CDK17: variants seen among roughly 807,000 people sequenced by gnomAD.
CDK17 encodes cyclin-dependent kinase 17.
Under a neutral mutation model 77.6 loss-of-function variants are expected in CDK17, and 24 were observed. The observed-to-expected ratio is 0.31, with a 90% CI of 0.22 to 0.44. The LOEUF (loss-of-function observed/expected upper bound fraction) is 0.44, where lower values mean the gene tolerates loss of function less well. Among genes scored for constraint, CDK17 ranks in the 20% least tolerant of loss-of-function variants. CDK17 has a pLI of 1.00. For missense variants in CDK17, 429 were observed against 622.5 expected (o/e 0.69, Z 3.31); for synonymous variants, 203 against 210.4 (o/e 0.96, Z 0.30).
intron 1 of CDK17, among the ~76,000 whole-genome samples, chr12:96,351,192 T>C (rs578027088): frequency 1.3e-5 from 2 of 152,206 alleles, no homozygotes; most frequent in East Asian, 1.9e-4. Flanking sequence ...TCAGTGAGGA[T>C]GTGGACAAAC....
intron 1 of CDK17, among the ~76,000 whole-genome samples, chr12:96,352,533 A>T (rs1953327582): frequency 6.6e-6 from 1 of 152,204 alleles, no homozygotes; most frequent in Admixed American, 6.5e-5. Flanking sequence ...TGAATCTCAC[A>T]GGTACTCAGA....
intron 1 of CDK17, among the ~76,000 whole-genome samples, chr12:96,396,639 C>T (rs188036731): frequency 6.0e-4 from 92 of 152,208 alleles, no homozygotes; most frequent in African/African-American, 2.2e-3. Context: ...TTCAAAAGAA[C>T]CTAAAACTAT....
chr12:96,286,806 T>C (rs1475669485), intron 11 of CDK17, 45 bp from the exon 12 acceptor site: 19 of 1,469,136 alleles, frequency 1.3e-5, no homozygotes, highest in Non-Finnish European at 1.7e-5. Flanking sequence ...CATTTACATA[T>C]TATGAAGCAC....
At chr12:96,294,917 G>A in intron 10 of CDK17, 82 bp downstream of exon 10, 5 of 1,161,534 alleles carry the variant, frequency 4.3e-6, no homozygotes, top group South Asian at 1.9e-5. Context: ...AAAAGCAATG[G>A]CACATTATGA....
chr12:96,350,098 A>C (rs1482612437), intron 1 of CDK17, among the ~76,000 whole-genome samples: 5 of 152,210 alleles, frequency 3.3e-5, no homozygotes, highest in African/African-American at 9.6e-5. Flanking sequence ...AAAATTACAA[A>C]ATATTGTTGA....
At chr12:96,364,203 A>G (rs1953545903) in intron 1 of CDK17, among the ~76,000 whole-genome samples, 2 of 152,200 alleles carry the variant, frequency 1.3e-5, no homozygotes, top group African/African-American at 4.8e-5. Context: ...CAATACTGTA[A>G]TTAAATTTGC....
chr12:96,381,398 T>C (rs1414300484), intron 1 of CDK17, among the ~76,000 whole-genome samples: 1 of 150,950 alleles, frequency 6.6e-6, no homozygotes, highest in African/African-American at 2.4e-5. Flanking sequence ...CTTTACAGTG[T>C]ACAACCTAGA....
At chr12:96,285,601 T>C (rs1461507823) in intron 13 of CDK17, 1 of 152,454 alleles carries the variant, frequency 6.6e-6, no homozygotes, top group African/African-American at 2.4e-5. Context: ...GAAACTTAAA[T>C]GAATGGCTGA....
intron 1 of CDK17, among the ~76,000 whole-genome samples, chr12:96,378,833 T>G (rs1953830312): frequency 6.6e-6 from 1 of 152,246 alleles, no homozygotes; most frequent in Non-Finnish European, 1.5e-5. Flanking sequence ...CAGAATAAAA[T>G]ACACATTTGT....
chr12:96,390,805 T>A (rs1954055717), intron 1 of CDK17, among the ~76,000 whole-genome samples: 1 of 150,706 alleles, frequency 6.6e-6, no homozygotes, highest in African/African-American at 2.4e-5. Flanking sequence ...ATTACTGTAA[T>A]TCCATTTAAA....
chr12:96,350,310 TC>T, intron 1 of CDK17, among the ~76,000 whole-genome samples: 1 of 150,214 alleles, frequency 6.7e-6, no homozygotes, highest in Non-Finnish European at 1.5e-5. Context: ...GCCACTGCAC[TC>T]CAGCCTGGGT....
intron 1 of CDK17, chr12:96,386,951 C>T: frequency 3.9e-6 from 1 of 257,196 alleles, no homozygotes; most frequent in Non-Finnish European, 8.3e-6. Context: ...TTACTTTAGG[C>T]TCAACATCCA....
At chr12:96,282,851 G>C (rs1446614551) in intron 14 of CDK17, among the ~76,000 whole-genome samples, 1 of 152,138 alleles carries the variant, frequency 6.6e-6, no homozygotes, top group Non-Finnish European at 1.5e-5. Flanking sequence ...TACATTGCTT[G>C]TATTTTCTGA....
At chr12:96,320,910 T>C (rs1592726746) in intron 3 of CDK17, among the ~76,000 whole-genome samples, 1 of 27,892 alleles carries the variant, frequency 3.6e-5, no homozygotes, top group Admixed American at 3.8e-4. Flanking sequence ...AAGGACTTCA[T>C]GTCCAAAACA....
At chr12:96,355,084 T>C (rs1953372936) in intron 1 of CDK17, among the ~76,000 whole-genome samples, 1 of 152,246 alleles carries the variant, frequency 6.6e-6, no homozygotes, top group East Asian at 1.9e-4. Context: ...AGTTCTTAAA[T>C]GGTTTATGAG....
intron 1 of CDK17, among the ~76,000 whole-genome samples, chr12:96,337,121 T>C (rs1044957419): frequency 2.0e-5 from 3 of 152,110 alleles, no homozygotes; most frequent in Admixed American, 1.3e-4. Flanking sequence ...TGCAATCCAA[T>C]TGGGACTGAG....
At chr12:96,300,181 G>C (rs1952476878) in intron 6 of CDK17, 123 bp downstream of exon 6, 2 of 691,302 alleles carry the variant, frequency 2.9e-6, no homozygotes, top group Non-Finnish European at 5.1e-6. Flanking sequence ...TCCAGAACAA[G>C]TATATAATCT....
chr12:96,318,331 C>T (rs1952762319), intron 3 of CDK17, among the ~76,000 whole-genome samples: 1 of 150,188 alleles, frequency 6.7e-6, no homozygotes, highest in South Asian at 2.2e-4. Context: ...GAGACTTAGA[C>T]TCCCACACAT....
intron 1 of CDK17, among the ~76,000 whole-genome samples, chr12:96,349,388 G>C (rs2137168970): frequency 6.6e-6 from 1 of 152,130 alleles, no homozygotes; most frequent in Non-Finnish European, 1.5e-5. Context: ...AGGAGGGGGA[G>C]GTTGCAATGA....
Sources: gnomAD v4.1 joint callset for allele counts (sites outside exome capture counted in the v4.1 genomes callset) on GRCh38, gnomAD v4.1.1 for gene constraint, MANE v1.5 for transcripts, NCBI Gene and HGNC (gene_info 2026-07-23, HGNC 2026-07-21) for gene names.